The following CDKAL1 variants were observed in gnomAD, a reference collection of about 807,000 sequenced individuals.
The protein encoded by CDKAL1 is CDKAL1 threonylcarbamoyladenosine tRNA methylthiotransferase.
A neutral mutation model predicts 68.2 loss-of-function variants in CDKAL1; 32 were observed. The observed-to-expected ratio is 0.47, with a 90% CI of 0.35 to 0.63. The LOEUF is 0.63. CDKAL1 is among the 30% of genes least tolerant of loss of function. The probability of loss-of-function intolerance (pLI) is 0.00; values close to 1 mark genes in which losing one functional copy is unlikely to be tolerated. For missense variants in CDKAL1, 606 were observed against 696.7 expected (o/e 0.87, Z 1.47); for synonymous variants, 234 against 244.3 (o/e 0.96, Z 0.39).
chr6:20,737,673 G>T (rs1451927065), intron 5 of CDKAL1, among the ~76,000 whole-genome samples: 4 of 152,146 alleles, frequency 2.6e-5, no homozygotes, highest in African/African-American at 9.7e-5. Context: ...TGATGTGCTT[G>T]GTACTGATAA....
intron 8 of CDKAL1, among the ~76,000 whole-genome samples, chr6:20,793,679 A>T (rs1035159589): frequency 6.6e-6 from 1 of 151,560 alleles, no homozygotes; most frequent in Non-Finnish European, 1.5e-5. Flanking sequence ...ACATACTTTA[A>T]TACTCCATTA....
chr6:20,845,303 T>G (rs1778336891), intron 8 of CDKAL1, among the ~76,000 whole-genome samples: 1 of 152,004 alleles, frequency 6.6e-6, no homozygotes, highest in Non-Finnish European at 1.5e-5. Context: ...AGGACTATTT[T>G]TTATTTTGTA....
At chr6:20,600,295 T>C (rs1447280665) in intron 4 of CDKAL1, among the ~76,000 whole-genome samples, 1 of 152,156 alleles carries the variant, frequency 6.6e-6, no homozygotes, top group Non-Finnish European at 1.5e-5. Context: ...TGAGCTGATA[T>C]AAATCTCTTT....
intron 3 of CDKAL1, among the ~76,000 whole-genome samples, chr6:20,547,552 A>G (rs1365110600): frequency 6.6e-6 from 1 of 152,186 alleles, no homozygotes; most frequent in Non-Finnish European, 1.5e-5. Context: ...ATGTAATTAT[A>G]TGGTTTTAAT....
intron 9 of CDKAL1, among the ~76,000 whole-genome samples, chr6:20,891,861 G>T (rs112040793): frequency 1.3e-5 from 2 of 152,072 alleles, no homozygotes; most frequent in African/African-American, 4.8e-5. Flanking sequence ...CATGCATAAG[G>T]GACTCTTCTG....
At chr6:21,049,117 T>A (rs1770406813) in intron 11 of CDKAL1, among the ~76,000 whole-genome samples, 1 of 152,114 alleles carries the variant, frequency 6.6e-6, no homozygotes, top group East Asian at 1.9e-4. Flanking sequence ...GAATGGCAGA[T>A]GGGTTTGGGT....
chr6:20,611,219 A>G (rs1264892864), intron 4 of CDKAL1, among the ~76,000 whole-genome samples: 4 of 152,172 alleles, frequency 2.6e-5, no homozygotes, highest in Non-Finnish European at 4.4e-5. Context: ...TTAGGGCTCT[A>G]GGGATTCTGT....
intron 9 of CDKAL1, among the ~76,000 whole-genome samples, chr6:20,946,691 G>A (rs924997473): frequency 4.7e-5 from 7 of 150,032 alleles, no homozygotes; most frequent in African/African-American, 1.7e-4. Flanking sequence ...TCCACCTCCC[G>A]GGTTCAAGTG....
chr6:20,848,056 C>G (rs1001013588), intron 9 of CDKAL1, among the ~76,000 whole-genome samples: 1 of 152,142 alleles, frequency 6.6e-6, no homozygotes, highest in Non-Finnish European at 1.5e-5. Context: ...AGCAACCAAT[C>G]AGAGGCTGAA....
intron 7 of CDKAL1, among the ~76,000 whole-genome samples, chr6:20,769,284 AG>A (rs1424884017): frequency 7.4e-6 from 1 of 135,062 alleles, no homozygotes. Flanking sequence ...TTCAAGACAG[AG>A]TCTTGCTCCG....
chr6:21,137,373 G>A (rs867711210), intron 13 of CDKAL1, among the ~76,000 whole-genome samples: 2 of 152,062 alleles, frequency 1.3e-5, no homozygotes, highest in African/African-American at 4.8e-5. Flanking sequence ...GTTTGTACTT[G>A]ACCGTCACCG....
intron 12 of CDKAL1, among the ~76,000 whole-genome samples, chr6:21,095,691 A>G (rs1031634521): frequency 6.6e-6 from 1 of 151,718 alleles, no homozygotes; most frequent in Non-Finnish European, 1.5e-5. Context: ...TCTGTGTAGT[A>G]TCCCTTGCTC....
intron 6 of CDKAL1, among the ~76,000 whole-genome samples, chr6:20,754,291 T>TG (rs2150343357): frequency 9.2e-6 from 1 of 108,334 alleles, no homozygotes; most frequent in Admixed American, 9.4e-5. Context: ...CCTGCCTGTC[T>TG]TTTTGTTGGT....
chr6:21,099,418 T>C (rs1773472410), intron 12 of CDKAL1, among the ~76,000 whole-genome samples: 1 of 152,142 alleles, frequency 6.6e-6, no homozygotes, highest in Non-Finnish European at 1.5e-5. Context: ...ACAAATATTC[T>C]TGTGCTTTTT....
At chr6:21,138,505 C>T (rs1403073860) in intron 13 of CDKAL1, among the ~76,000 whole-genome samples, 1 of 152,142 alleles carries the variant, frequency 6.6e-6, no homozygotes, top group Non-Finnish European at 1.5e-5. Context: ...GGGCACGTTT[C>T]CTAATCTATC....
At chr6:21,009,511 C>A (rs553148244) in intron 11 of CDKAL1, among the ~76,000 whole-genome samples, 2 of 152,220 alleles carry the variant, frequency 1.3e-5, no homozygotes, top group Admixed American at 1.3e-4. Context: ...AGCTGTTTAT[C>A]CAAAGGAAAG....
chr6:20,707,342 G>C (rs752448860), intron 5 of CDKAL1, among the ~76,000 whole-genome samples: 2 of 152,170 alleles, frequency 1.3e-5, no homozygotes, highest in Non-Finnish European at 2.9e-5. Flanking sequence ...TTTGACTACT[G>C]GGTGTTTGAA....
chr6:20,948,349 A>T (rs1315113458), intron 9 of CDKAL1, among the ~76,000 whole-genome samples: 1 of 152,176 alleles, frequency 6.6e-6, no homozygotes, highest in Non-Finnish European at 1.5e-5. Flanking sequence ...CCAAAACATT[A>T]GTCATAAAAA....
At chr6:20,624,374 T>A (rs376147995) in intron 4 of CDKAL1, among the ~76,000 whole-genome samples, 1 of 39,916 alleles carries the variant, frequency 2.5e-5, no homozygotes, top group Non-Finnish European at 5.8e-5. Context: ...GATTTTTAAG[T>A]TTTTTCCCCC....
Sources: gnomAD v4.1 joint callset for allele counts (sites outside exome capture counted in the v4.1 genomes callset) on GRCh38, gnomAD v4.1.1 for gene constraint, MANE v1.5 for transcripts, NCBI Gene and HGNC (gene_info 2026-07-23, HGNC 2026-07-21) for gene names.